Variants in TPTE observed in about 807,000 individuals in gnomAD.
The protein encoded by TPTE is transmembrane phosphatase with tensin homology.
Under a neutral mutation model 84.1 loss-of-function variants are expected in TPTE, and 59 were observed. That is an observed-to-expected ratio of 0.70 (90% confidence interval 0.57 to 0.87). TPTE has a LOEUF of 0.87. Ranked by LOEUF, TPTE falls within the 40% of genes least tolerant of loss-of-function variation. The pLI is 0.00. For missense variants in TPTE, 382 were observed against 659.6 expected (o/e 0.58, Z 4.61); for synonymous variants, 130 against 223.5 (o/e 0.58, Z 3.73).
intron 8 of TPTE, among the ~76,000 whole-genome samples, chr21:10,554,259 T>G (rs1390430291): frequency 1.3e-5 from 2 of 152,246 alleles, no homozygotes; most frequent in African/African-American, 4.8e-5. Context: ...AACAATTCAG[T>G]TTTTTTACAA....
chr21:10,577,075 C>T (rs1364433021), intron 14 of TPTE, among the ~76,000 whole-genome samples: 2 of 152,300 alleles, frequency 1.3e-5, no homozygotes, highest in Admixed American at 6.5e-5. Flanking sequence ...ATATGCAGAT[C>T]ACTCTCTAAA....
chr21:10,564,481 G>A (rs1340760881), intron 10 of TPTE, among the ~76,000 whole-genome samples: 15 of 152,300 alleles, frequency 9.8e-5, no homozygotes, highest in Non-Finnish European at 2.1e-4. Flanking sequence ...CTGCACTCTA[G>A]CCTGGGTGAC....
chr21:10,597,013 T>C (rs1160611303), intron 20 of TPTE, among the ~76,000 whole-genome samples: 1 of 152,310 alleles, frequency 6.6e-6, no homozygotes, highest in Non-Finnish European at 1.5e-5. Context: ...AATACACTAG[T>C]TTATTAAAAT....
At chr21:10,549,421 C>A (rs2074531111) in intron 7 of TPTE, among the ~76,000 whole-genome samples, 1 of 152,298 alleles carries the variant, frequency 6.6e-6, no homozygotes, top group South Asian at 2.1e-4. Context: ...TAAGGAAACT[C>A]AGTGAGATGT....
At chr21:10,576,245 G>T (rs1276886478) in intron 14 of TPTE, 3 of 184,504 alleles carry the variant, frequency 1.6e-5, no homozygotes, top group Non-Finnish European at 3.5e-5. Flanking sequence ...TCTGGCTTCT[G>T]AGCGGGAACC....
intron 3 of TPTE, among the ~76,000 whole-genome samples, chr21:10,536,879 C>G (rs1484787976): frequency 6.6e-6 from 1 of 152,308 alleles, no homozygotes; most frequent in African/African-American, 2.4e-5. Flanking sequence ...GGAAGAAAAC[C>G]CTATGCAGAG....
intron 2 of TPTE, among the ~76,000 whole-genome samples, 183 bp from the exon 3 acceptor site, chr21:10,527,172 G>GAC (rs377575461): frequency 0.042 from 5,344 of 126,208 alleles, no homozygotes; most frequent in African/African-American, 0.17. Flanking sequence ...CACACACACA[G>GAC]ACACACACAC....
intron 8 of TPTE, among the ~76,000 whole-genome samples, chr21:10,553,301 T>C: frequency 6.6e-6 from 1 of 152,426 alleles, no homozygotes; most frequent in Middle Eastern, 3.4e-3. Context: ...ATTCAGGAGA[T>C]TTTTCTTCTG....
intron 8 of TPTE, among the ~76,000 whole-genome samples, chr21:10,553,016 A>G (rs180995750): frequency 2.0e-5 from 3 of 152,428 alleles, no homozygotes; most frequent in Non-Finnish European, 2.9e-5. Flanking sequence ...GCAGAATGCT[A>G]CTTAACTCAT....
At chr21:10,531,004 T>A (rs2074168181) in intron 3 of TPTE, among the ~76,000 whole-genome samples, 1 of 152,306 alleles carries the variant, frequency 6.6e-6, no homozygotes, top group South Asian at 2.1e-4. Flanking sequence ...CTAGTGTTCC[T>A]ATCTTTGTCT....
At chr21:10,559,611 C>T (rs575440989) in intron 9 of TPTE, 67 bp downstream of exon 9, 1 of 1,610,122 alleles carries the variant, frequency 6.2e-7, no homozygotes, top group Non-Finnish European at 8.5e-7. Context: ...CGGTGGCTCA[C>T]ACCTGTAATC....
chr21:10,603,431 C>T (rs1361243298), intron 22 of TPTE, 131 bp from the exon 23 acceptor site: 45 of 922,702 alleles, frequency 4.9e-5, no homozygotes, highest in Non-Finnish European at 6.9e-5. Flanking sequence ...TTATAGATTG[C>T]AGAGTGCCAC....
At chr21:10,593,106 C>T (rs73151812) in intron 19 of TPTE, among the ~76,000 whole-genome samples, 17,179 of 131,674 alleles carry the variant, frequency 0.13, 4 homozygotes, top group Middle Eastern at 0.2. Context: ...TTTCAGCTGG[C>T]GCCAGTCACA....
Position 10,554,594 on chromosome 21 carries a change from A to AGACATTACATAT in TPTE, c.233+1878_233+1879insGACATTACATAT, listed in dbSNP as rs1370429350. ...ATCCTTTTTCTATTTTATGTAATATAAGCAATTTCTCCCAGGTTGTCTTGC... is the reference window on the plus strand; with the variant it reads ...ATCCTTTTTCTATTTTATGTAATATAGACATTACATATAGCAATTTCTCCCAGGTTGTCTTGC... On this transcript the variant is annotated intron_variant, in intron 8 of 23. Coordinates refer to ENST00000618007, the MANE Select transcript of TPTE (RefSeq NM_199261.4). Among the ~76,000 whole-genome samples the AGACATTACATAT allele has an allele frequency of 9.2e-5, 14 of 152,426 alleles. No homozygotes were observed. In the East Asian group the frequency reaches 1.9e-3, roughly 21 times the overall value.
At chr21:10,544,765 A>T (rs469937) in intron 7 of TPTE, among the ~76,000 whole-genome samples, 30,776 of 142,904 alleles carry the variant, frequency 0.22, 66 homozygotes, top group African/African-American at 0.47. Flanking sequence ...GAGTTACTGG[A>T]GGTATTTGAA....
intron 6 of TPTE, 25 bp downstream of exon 6, chr21:10,542,473 C>G: frequency 6.2e-7 from 1 of 1,608,696 alleles, no homozygotes; most frequent in Admixed American, 1.7e-5. Flanking sequence ...GTTAAAGTCA[C>G]CCGTCAGCAT....
intron 7 of TPTE, among the ~76,000 whole-genome samples, chr21:10,545,968 A>T (rs1427679656): frequency 2.0e-5 from 3 of 152,154 alleles, no homozygotes; most frequent in Non-Finnish European, 4.4e-5. Flanking sequence ...ATATATATGT[A>T]TATATACACA....
chr21:10,550,248 G>GA (rs1304793726), intron 7 of TPTE, among the ~76,000 whole-genome samples: 14 of 152,302 alleles, frequency 9.2e-5, no homozygotes, highest in African/African-American at 3.1e-4. Context: ...TAATAACTTT[G>GA]AATGTTAATA....
At chr21:10,574,407 A>G (rs61081267) in intron 14 of TPTE, among the ~76,000 whole-genome samples, 1,299 of 149,926 alleles carry the variant, frequency 8.7e-3, no homozygotes, top group African/African-American at 0.031. Context: ...TGACTAGAGA[A>G]CGTGGACGGA....
Sources: allele counts gnomAD v4.1 joint callset (sites outside exome capture counted in the v4.1 genomes callset), GRCh38; gene constraint gnomAD v4.1.1; transcripts MANE v1.5; gene names NCBI Gene and HGNC (gene_info 2026-07-23, HGNC 2026-07-21).